IKZF2: variants seen among roughly 807,000 people sequenced by gnomAD.
IKZF2 encodes the protein IKAROS family zinc finger 2, also known as zinc finger protein Helios.
Under a neutral mutation model 49.2 loss-of-function variants are expected in IKZF2, and 15 were observed. That is an observed-to-expected ratio of 0.30 (90% CI 0.20 to 0.47). IKZF2 has a LOEUF of 0.47. Ranked by LOEUF, IKZF2 falls within the 20% of genes least tolerant of loss-of-function variation. The pLI is 1.00. For synonymous variants in IKZF2, 227 were observed against 221.4 expected, an observed-to-expected ratio of 1.03 and a Z score of -0.23; for missense variants, 567 against 664.6, an observed-to-expected ratio of 0.85 and a Z score of 1.61.
At chr2:213,144,653 G>T (rs1463710750) in intron 4 of IKZF2, among the ~76,000 whole-genome samples, 1 of 151,866 alleles carries the variant, frequency 6.6e-6, no homozygotes, top group Non-Finnish European at 1.5e-5. Context: ...ATTTCCAATA[G>T]CCATCAAGGC....
chr2:213,046,616 T>G (rs1459326884), intron 6 of IKZF2, among the ~76,000 whole-genome samples: 1 of 152,170 alleles, frequency 6.6e-6, no homozygotes, highest in Non-Finnish European at 1.5e-5. Context: ...ATAGTTGAGG[T>G]AATGACATAT....
chr2:213,009,133 C>T (rs1695664641), intron 8 of IKZF2, among the ~76,000 whole-genome samples: 1 of 151,856 alleles, frequency 6.6e-6, no homozygotes, highest in Admixed American at 6.6e-5. Context: ...GTACGTACAC[C>T]CATTGCTAGC....
chr2:213,083,957 C>T (rs558071920), intron 4 of IKZF2, among the ~76,000 whole-genome samples: 73 of 152,026 alleles, frequency 4.8e-4, no homozygotes, highest in African/African-American at 1.6e-3. Context: ...TGAATCATCC[C>T]GAAACCATCC....
chr2:213,041,188 TA>T (rs1035319555), intron 6 of IKZF2, among the ~76,000 whole-genome samples: 13 of 152,168 alleles, frequency 8.5e-5, no homozygotes, highest in African/African-American at 2.9e-4. Context: ...ATTTGTATAG[TA>T]AATCTCAAGA....
rs1451539369 is a variant in IKZF2, at chr2:212,999,884, C to G, written c.*7476G>C. 2.0e-5 allele frequency: 3 copies of G among 152,170 alleles called. No individual in the cohort carries two copies. Among genetic ancestry groups the G allele is most frequent in the African/African-American group, 7.2e-5 (3 of 41,382 alleles). 9.4% of individuals were successfully genotyped at this position (152,170 alleles called of 1,614,324 possible). ...AACCTTTATAATATAATCCTTTTCA[C>G]AAAGTATTACAAAGTTTCTGCAGCT... is the stretch of plus-strand genomic sequence containing the variant. On this transcript the variant is annotated 3_prime_UTR_variant, in exon 9 of 9. Coordinates refer to ENST00000434687, the MANE Select transcript of IKZF2 (RefSeq NM_001387220.1).
At chr2:213,099,233 A>T (rs1436404196) in intron 4 of IKZF2, among the ~76,000 whole-genome samples, 1 of 152,156 alleles carries the variant, frequency 6.6e-6, no homozygotes, top group Non-Finnish European at 1.5e-5. Flanking sequence ...TATAAAGATA[A>T]CTGAAGAGAT....
chr2:213,124,775 T>A (rs1373032315), intron 4 of IKZF2, among the ~76,000 whole-genome samples: 1 of 152,192 alleles, frequency 6.6e-6, no homozygotes, highest in African/African-American at 2.4e-5. Flanking sequence ...TTCCAAGGAA[T>A]TCAACTTGCT....
At chr2:213,008,732 G>A (rs899142160) in intron 8 of IKZF2, among the ~76,000 whole-genome samples, 2 of 152,062 alleles carry the variant, frequency 1.3e-5, no homozygotes, top group African/African-American at 4.8e-5. Flanking sequence ...AAACAAGTCA[G>A]AGACTATGCT....
chr2:213,148,137 A>C (rs999589876), intron 3 of IKZF2, among the ~76,000 whole-genome samples: 3 of 152,230 alleles, frequency 2.0e-5, no homozygotes, highest in Non-Finnish European at 4.4e-5. Flanking sequence ...CAGAATTTAT[A>C]ATGAGCATTT....
At chr2:213,044,570 C>A (rs1422028075) in intron 6 of IKZF2, among the ~76,000 whole-genome samples, 1 of 152,096 alleles carries the variant, frequency 6.6e-6, no homozygotes, top group Non-Finnish European at 1.5e-5. Flanking sequence ...GGATGTACGA[C>A]GCAGGGTAAG....
intron 4 of IKZF2, among the ~76,000 whole-genome samples, chr2:213,087,625 C>A (rs184880219): frequency 1.6e-3 from 240 of 152,212 alleles, no homozygotes; most frequent in Middle Eastern, 6.8e-3. Flanking sequence ...GGTATATCTC[C>A]TAATGCTATC....
intron 6 of IKZF2, among the ~76,000 whole-genome samples, chr2:213,040,868 A>T (rs1031893529): frequency 1.3e-5 from 2 of 152,250 alleles, no homozygotes; most frequent in African/African-American, 4.8e-5. Context: ...CTGTAATCCC[A>T]GCACTTTGGG....
intron 6 of IKZF2, among the ~76,000 whole-genome samples, chr2:213,044,687 A>G (rs1296082223): frequency 6.6e-6 from 1 of 152,230 alleles, no homozygotes; most frequent in East Asian, 1.9e-4. Flanking sequence ...TGGAAGACAA[A>G]CTGAGTGCCT....
intron 4 of IKZF2, among the ~76,000 whole-genome samples, chr2:213,077,580 CTTTTTTTTTTT>C (rs58528665): frequency 1.7e-5 from 1 of 59,478 alleles, no homozygotes; most frequent in African/African-American, 6.7e-5. Flanking sequence ...ATTCTATGTA[CTTTTTTTTTTT>C]TTTTTTTTTT....
chr2:213,115,729 T>C (rs6435757), intron 4 of IKZF2, among the ~76,000 whole-genome samples: 39,445 of 152,214 alleles, frequency 0.26, 6,726 homozygotes, highest in Non-Finnish European at 0.38. Flanking sequence ...ACAGTCATAA[T>C]TGGTATTAGA....
At chr2:213,015,274 T>C (rs1696443539) in intron 7 of IKZF2, 1 of 152,108 alleles carries the variant, frequency 6.6e-6, no homozygotes, top group African/African-American at 2.4e-5. Context: ...TGAATTGTAA[T>C]CTACATTTAA....
chr2:213,119,701 C>T (rs182849609), intron 4 of IKZF2, among the ~76,000 whole-genome samples: 2 of 152,140 alleles, frequency 1.3e-5, no homozygotes, highest in Non-Finnish European at 2.9e-5. Context: ...GATGAATGGA[C>T]TTGGGTACTG....
intron 6 of IKZF2, among the ~76,000 whole-genome samples, chr2:213,026,361 T>C (rs928448107): frequency 2.0e-5 from 3 of 152,178 alleles, no homozygotes; most frequent in African/African-American, 7.2e-5. Flanking sequence ...TTCTATCTTA[T>C]ATTATCTGTG....
intron 4 of IKZF2, among the ~76,000 whole-genome samples, chr2:213,129,415 G>T (rs754877227): frequency 6.7e-6 from 1 of 150,248 alleles, no homozygotes; most frequent in African/African-American, 2.5e-5. Context: ...GGAAGAAAAC[G>T]TGTCCCAAAC....
Sources: allele counts gnomAD v4.1 joint callset (sites outside exome capture counted in the v4.1 genomes callset), GRCh38; gene constraint gnomAD v4.1.1; transcripts MANE v1.5; gene names NCBI Gene and HGNC (gene_info 2026-07-23, HGNC 2026-07-21).